The following PKD2 variants were observed in gnomAD, a reference collection of about 807,000 sequenced individuals.
PKD2 encodes the protein polycystin-2.
A neutral mutation model predicts 105.9 loss-of-function variants in PKD2; 48 were observed. The observed-to-expected ratio is 0.45, with a 90% CI of 0.36 to 0.58. The LOEUF (loss-of-function observed/expected upper bound fraction) is 0.58. Ranked by LOEUF, PKD2 falls within the 20% of genes least tolerant of loss-of-function variation. The pLI is 0.00. For synonymous variants in PKD2, 464 were observed against 481.1 expected (o/e 0.96, Z 0.46); for missense variants, 1,078 against 1,255.3 (o/e 0.86, Z 2.13).
chr4:88,043,384 G>C lies in PKD2; in HGVS notation c.1246G>C (p.Asp416His). ...VASLKKNVWLDRGTRATFIDF... is the reference protein window; with the variant it reads ...VASLKKNVWLHRGTRATFIDF... Reference sequence around the variant, plus strand: ...TAGCCTCAAGAAAAATGTCTGGCTGGACCGAGGAACCAGGGCAACTTTTAT... The same window carrying C: ...TAGCCTCAAGAAAAATGTCTGGCTGCACCGAGGAACCAGGGCAACTTTTAT... Residue 416 changes from aspartate (D) to histidine (H), a missense_variant, in exon 5 of 15, where the codon GAC becomes CAC. Asp to His is a moderately conservative substitution (Grantham distance 81, BLOSUM62 -1). Around this residue, in one of 2 missense-constraint regions of PKD2, gnomAD observed 868 missense variants for 1,067.3 expected, o/e 0.81. Coordinates refer to ENST00000237596, the MANE Select transcript of PKD2 (RefSeq NM_000297.4). 1 of 1,614,032 alleles carries C rather than the reference G, an allele frequency of 6.2e-7. No homozygotes were observed. The highest frequency in any genetic ancestry group is 8.5e-7 in the Non-Finnish European group (1 of 1,179,944).
chr4:88,066,951 C>T (rs1720817611), intron 12 of PKD2, among the ~76,000 whole-genome samples: 1 of 152,122 alleles, frequency 6.6e-6, no homozygotes, highest in Non-Finnish European at 1.5e-5. Context: ...TCTCCAGTCA[C>T]AGTGAAATTT....
At chr4:88,049,608 G>A (rs72873484) in intron 6 of PKD2, among the ~76,000 whole-genome samples, 12,383 of 152,150 alleles carry the variant, frequency 0.081, 1,760 homozygotes, top group African/African-American at 0.28. Flanking sequence ...GTAGAAGTGA[G>A]GGCATGCCTT....
intron 2 of PKD2, among the ~76,000 whole-genome samples, chr4:88,021,842 A>G (rs914145973): frequency 6.6e-5 from 10 of 152,174 alleles, no homozygotes; most frequent in African/African-American, 2.4e-4. Context: ...CAAATACCTA[A>G]TCTCCTCTAA....
chr4:88,062,243 T>G (rs973974224), intron 10 of PKD2, among the ~76,000 whole-genome samples: 3 of 152,230 alleles, frequency 2.0e-5, no homozygotes, highest in African/African-American at 7.2e-5. Flanking sequence ...CAACAATCTT[T>G]TGACACTTTA....
intron 2 of PKD2, among the ~76,000 whole-genome samples, chr4:88,035,815 A>C (rs1280506694): frequency 6.6e-6 from 1 of 152,146 alleles, no homozygotes; most frequent in African/African-American, 2.4e-5. Context: ...TGTGCACAGC[A>C]GGAGGGTGGG....
chr4:88,016,953 G>A (rs1398731540), intron 1 of PKD2, among the ~76,000 whole-genome samples: 1 of 150,826 alleles, frequency 6.6e-6, no homozygotes, highest in Non-Finnish European at 1.5e-5. Flanking sequence ...GTGATAGAGT[G>A]AGACTCTGTC....
In PKD2 at chr4:88,074,812, C is replaced by A; in HGVS notation, c.2523C>A (p.Val841=). Residue 841 remains valine (V), a splice_region_variant and synonymous_variant, in exon 14 of 15, where the codon GTC becomes GTA. Transcript: ENST00000237596. The stretch of plus-strand genomic sequence containing the variant: ...CCTCTGTACTGTGTTTTCCTTGCAG[C>A]CTGGTGAGACGAGTGGACCGGATGG... ...SSGVSYEEFQ[V]LVRRVDRMEH... 1 of 1,613,928 alleles carries A rather than the reference C, an allele frequency of 6.2e-7. No individual in the cohort carries two copies. Among genetic ancestry groups the A allele is most frequent in the South Asian group, 1.1e-5 (1 of 91,058 alleles).
At chr4:88,059,480 T>G (rs1720483955) in intron 9 of PKD2, among the ~76,000 whole-genome samples, 1 of 152,046 alleles carries the variant, frequency 6.6e-6, no homozygotes, top group Non-Finnish European at 1.5e-5. Flanking sequence ...GTTTTCTCCG[T>G]TTATCAATCT....
At chr4:88,043,129 G>A (rs1326734626) in intron 4 of PKD2, 104 bp from the exon 5 acceptor site, 4 of 754,374 alleles carry the variant, frequency 5.3e-6, no homozygotes, top group Non-Finnish European at 9.4e-6. Flanking sequence ...AGCTTGATAG[G>A]CCTTAATACA....
At chr4:88,057,920 T>C in intron 8 of PKD2, 63 bp from the exon 9 acceptor site, 1 of 1,252,508 alleles carries the variant, frequency 8.0e-7, no homozygotes, top group Admixed American at 1.7e-5. Context: ...CTTTAAGAAA[T>C]GTTGCATCAA....
intron 7 of PKD2, among the ~76,000 whole-genome samples, chr4:88,055,395 T>C (rs979588017): frequency 2.0e-5 from 3 of 152,104 alleles, no homozygotes; most frequent in Non-Finnish European, 1.5e-5. Context: ...GGGGAAAGCA[T>C]CACTAGTCAC....
chr4:88,067,905 T>C lies in PKD2; in HGVS notation c.2366T>C (p.Leu789Pro). Residue 789 changes from leucine (L) to proline (P), a missense_variant, in exon 13 of 15, where the codon CTG (leucine) becomes CCG (proline). By Grantham distance (98) the Leu-to-Pro change is moderately conservative (BLOSUM62 -3). Around this residue, in one of 2 missense-constraint regions of PKD2, gnomAD observed 868 missense variants for 1,067.3 expected, o/e 0.81. Coordinates refer to ENST00000237596, the MANE Select transcript of PKD2 (RefSeq NM_000297.4). ...RDDLEKERED[L>P]DLDHSSLPRP... is the part of the protein sequence containing the mutation. ...TGACCCCTTGTTCTTCAGGAGGACCTGGATTTGGATCACAGTTCTTTACCA... is the reference window on the plus strand; with the variant it reads ...TGACCCCTTGTTCTTCAGGAGGACCCGGATTTGGATCACAGTTCTTTACCA... The C allele has an allele frequency of 5.0e-6, 8 of 1,613,856 alleles. No homozygotes were observed. Among genetic ancestry groups the C allele is most frequent in the Non-Finnish European group, 6.8e-6 (8 of 1,179,912 alleles).
intron 2 of PKD2, among the ~76,000 whole-genome samples, chr4:88,026,537 T>G (rs1470973090): frequency 6.6e-6 from 1 of 152,190 alleles, no homozygotes; most frequent in African/African-American, 2.4e-5. Context: ...AACAAAAGTT[T>G]AGGGAGTTTG....
Position 88,036,305 on chromosome 4 carries a change from G to A in PKD2, c.795G>A (p.Thr265=), listed in dbSNP as rs758220304. The change falls in exon 3 of 15, where the codon ACG becomes ACA. Residue 265 remains threonine (T), a synonymous_variant. Coordinates refer to ENST00000237596, the MANE Select transcript of PKD2 (RefSeq NM_000297.4). ...TCCTAGACACCCCCGTGTCCAAAAC[G>A]GAGAAAACTAACTTTAAAACTCTGT... The part of the protein sequence containing the change: ...QLFLDTPVSK[T]EKTNFKTLSS... 4.0e-5 allele frequency: 65 copies of A among 1,613,886 alleles called. 1 individual carries two copies. Among genetic ancestry groups the A allele is most frequent in the Non-Finnish European group, 4.8e-5 (57 of 1,179,962 alleles).
chr4:88,066,354 C>T (rs13434415), intron 12 of PKD2, among the ~76,000 whole-genome samples: 1 of 146,154 alleles, frequency 6.8e-6, no homozygotes, highest in East Asian at 2.2e-4. Flanking sequence ...AAATTGTTAA[C>T]TTTTTTTTCT....
Position 88,056,184 on chromosome 4 carries a change from C to T in PKD2, c.1815C>T (p.Phe605=). The T allele has an allele frequency of 6.2e-7, 1 of 1,613,566 alleles. No homozygotes were observed. The highest frequency in any genetic ancestry group is 1.7e-5 in the Admixed American group (1 of 60,016). ...TGTTTGGCTTTGCTATTATGTTCTT[C>T]ATTATTTTCCTAGCGTATGCTCAGT... The part of the protein sequence containing the change: ...KDLFGFAIMF[F]IIFLAYAQLA... The change falls in exon 8 of 15, where the codon TTC becomes TTT. Residue 605 remains phenylalanine (F), a synonymous_variant. Transcript: ENST00000237596.
intron 6 of PKD2, among the ~76,000 whole-genome samples, chr4:88,049,218 A>G (rs373570069): frequency 1.6e-4 from 24 of 152,250 alleles, no homozygotes; most frequent in African/African-American, 5.8e-4. Flanking sequence ...TGTAACAGGT[A>G]CATCCGTAAA....
intron 2 of PKD2, among the ~76,000 whole-genome samples, chr4:88,031,650 C>A (rs1727157723): frequency 6.6e-6 from 1 of 152,104 alleles, no homozygotes; most frequent in Non-Finnish European, 1.5e-5. Context: ...ATATATATAT[C>A]TATGTCAAGT....
chr4:88,042,407 T>A (rs1337908984), intron 4 of PKD2, among the ~76,000 whole-genome samples: 1 of 152,158 alleles, frequency 6.6e-6, no homozygotes, highest in Non-Finnish European at 1.5e-5. Flanking sequence ...AATTACCTCC[T>A]ACCGGGTTTC....
Sources: gnomAD v4.1 joint callset for allele counts (sites outside exome capture counted in the v4.1 genomes callset) on GRCh38, gnomAD v4.1.1 for gene constraint, gnomAD v4.1.1 regional missense constraint, MANE v1.5 for transcripts, NCBI Gene and HGNC (gene_info 2026-07-23, HGNC 2026-07-21) for gene names.